SYBU: variants seen among roughly 807,000 people sequenced by gnomAD.
SYBU encodes the protein syntabulin.
SYBU carries 21 observed loss-of-function variants against 35.9 expected under a neutral mutation model. That is an observed-to-expected ratio of 0.58 (90% CI 0.41 to 0.84). SYBU has a LOEUF of 0.84. Among genes scored for constraint, SYBU ranks in the 40% least tolerant of loss-of-function variants. The pLI, the probability that SYBU is intolerant of heterozygous loss-of-function variation, is 0.00. For missense variants in SYBU, 768 were observed against 848.2 expected, an observed-to-expected ratio of 0.91 and a Z score of 1.17; for synonymous variants, 319 against 324.3, an observed-to-expected ratio of 0.98 and a Z score of 0.18.
At chr8:109,671,873 A>T (rs1224473726) in intron 1 of SYBU, among the ~76,000 whole-genome samples, 1 of 152,122 alleles carries the variant, frequency 6.6e-6, no homozygotes, top group Non-Finnish European at 1.5e-5. Context: ...ACCTTTTTGA[A>T]AAACTCATTT....
At chr8:109,607,853 CAG>C in intron 3 of SYBU, 5 of 923,946 alleles carry the variant, frequency 5.4e-6, no homozygotes, top group East Asian at 2.6e-5. Context: ...CACACACACA[CAG>C]TCTAGCCTCT....
chr8:109,639,281 A>T (rs1217048156), intron 2 of SYBU, among the ~76,000 whole-genome samples: 1 of 151,542 alleles, frequency 6.6e-6, no homozygotes, highest in East Asian at 1.9e-4. Context: ...AAAATAAAGT[A>T]TAATTCTTTG....
intron 5 of SYBU, 139 bp from the exon 6 acceptor site, chr8:109,578,156 G>A (rs1822575281): frequency 1.1e-6 from 1 of 929,448 alleles, no homozygotes; most frequent in Non-Finnish European, 1.6e-6. Context: ...CAATATGACG[G>A]TATTAGGTGG....
intron 4 of SYBU, chr8:109,580,534 A>T (rs1822905938): frequency 6.5e-6 from 1 of 153,464 alleles, no homozygotes; most frequent in Admixed American, 6.4e-5. Context: ...GGTAATTTTG[A>T]TTACTTAAAA....
intron 1 of SYBU, among the ~76,000 whole-genome samples, chr8:109,660,676 AT>A: frequency 6.6e-6 from 1 of 152,154 alleles, no homozygotes; most frequent in Non-Finnish European, 1.5e-5. Flanking sequence ...AATTAATACT[AT>A]TTTCTACTCA....
Position 109,644,809 on chromosome 8 carries a change from C to G in SYBU, c.-150G>C. 2 of 733,576 alleles carry G rather than the reference C, an allele frequency of 2.7e-6. No individual in the cohort carries two copies. The highest frequency in any genetic ancestry group is 3.9e-6 in the Non-Finnish European group (2 of 511,290). 45.4% of individuals were successfully genotyped at this position (733,576 alleles called of 1,614,324 possible). A position where few individuals can be genotyped will look rare whatever the true frequency, so the allele number is the denominator to read the frequency against. On this transcript the variant is annotated 5_prime_UTR_variant, in exon 1 of 7. Transcript: ENST00000276646. ...CTCCAACGCGCCGCCGCCGCCACTG[C>G]CGCCGATTGCTCTGGGCTCCGAGGG... is the stretch of plus-strand genomic sequence containing the variant.
intron 1 of SYBU, among the ~76,000 whole-genome samples, chr8:109,688,034 G>C (rs898396818): frequency 3.9e-5 from 6 of 152,168 alleles, no homozygotes; most frequent in African/African-American, 1.4e-4. Context: ...TCAGGTCCTG[G>C]AGCACCTCCC....
At chr8:109,669,328 T>G (rs1426905818) in intron 1 of SYBU, among the ~76,000 whole-genome samples, 2 of 107,164 alleles carry the variant, frequency 1.9e-5, no homozygotes, top group Admixed American at 1.5e-4. Flanking sequence ...GGCGACAGAG[T>G]GAGACTCCGT....
chr8:109,579,736 T>C, intron 5 of SYBU, 63 bp downstream of exon 5: 1 of 1,475,138 alleles, frequency 6.8e-7, no homozygotes, highest in Non-Finnish European at 9.4e-7. Flanking sequence ...TTTTTTCTTT[T>C]TTAAAGAAAA....
chr8:109,673,685 G>C (rs1817074814), intron 1 of SYBU, among the ~76,000 whole-genome samples: 1 of 152,164 alleles, frequency 6.6e-6, no homozygotes, highest in Non-Finnish European at 1.5e-5. Flanking sequence ...GAATATATTT[G>C]ACGAATTGAC....
Position 109,575,162 on chromosome 8 carries a change from A to C in SYBU, c.1736T>G (p.Phe579Cys). 1 of 1,614,186 alleles carries C rather than the reference A, an allele frequency of 6.2e-7. No individual in the cohort carries two copies. The highest frequency in any genetic ancestry group is 1.1e-5 in the South Asian group (1 of 91,086). Residue 579 changes from phenylalanine to cysteine, a missense_variant, in exon 7 of 7, where the codon TTT becomes TGT. Physicochemically the swap from Phe to Cys is radical, Grantham distance 205. Coordinates refer to ENST00000276646, the MANE Select transcript of SYBU (RefSeq NM_001099754.2). ...HANRLMRELDFAACVEERLDG... is the reference protein window; with the variant it reads ...HANRLMRELDCAACVEERLDG... Reference sequence around the variant, plus strand: ...CAACCTCTCTTCCACGCAGGCTGCAAAATCCAGCTCTCTCATGAGGCGGTT... The same window carrying C: ...CAACCTCTCTTCCACGCAGGCTGCACAATCCAGCTCTCTCATGAGGCGGTT...
intron 2 of SYBU, among the ~76,000 whole-genome samples, chr8:109,637,904 C>A (rs558490978): frequency 2.5e-4 from 38 of 152,288 alleles, no homozygotes; most frequent in Non-Finnish European, 5.1e-4. Flanking sequence ...TTCTTCCCAG[C>A]TACTGTAAAT....
intron 2 of SYBU, among the ~76,000 whole-genome samples, chr8:109,626,788 T>C (rs1436836115): frequency 6.6e-6 from 1 of 152,174 alleles, no homozygotes; most frequent in East Asian, 1.9e-4. Flanking sequence ...TGCATACCTG[T>C]AGTCCCAGCG....
intron 2 of SYBU, among the ~76,000 whole-genome samples, chr8:109,628,342 CTTT>C (rs111654259): frequency 2.8e-5 from 4 of 141,770 alleles, no homozygotes; most frequent in Non-Finnish European, 1.5e-5. Flanking sequence ...AACCACATCT[CTTT>C]TTTTTTTTTT....
chr8:109,676,191 G>A (rs1817183668), intron 1 of SYBU, among the ~76,000 whole-genome samples: 1 of 152,022 alleles, frequency 6.6e-6, no homozygotes, highest in Non-Finnish European at 1.5e-5. Context: ...TACTGAATGG[G>A]GAAAAGCTGG....
At chr8:109,612,037 T>C (rs1811226109) in intron 3 of SYBU, among the ~76,000 whole-genome samples, 1 of 152,190 alleles carries the variant, frequency 6.6e-6, no homozygotes, top group African/African-American at 2.4e-5. Flanking sequence ...AATTACTCCT[T>C]TGAAGGTGGA....
At chr8:109,672,628 C>G (rs1477621182) in intron 1 of SYBU, among the ~76,000 whole-genome samples, 1 of 152,214 alleles carries the variant, frequency 6.6e-6, no homozygotes, top group Non-Finnish European at 1.5e-5. Flanking sequence ...AGCGAGCTAG[C>G]TGAAGGAGTC....
intron 1 of SYBU, among the ~76,000 whole-genome samples, chr8:109,653,033 TC>T (rs1241176529): frequency 1.3e-5 from 2 of 152,174 alleles, no homozygotes; most frequent in African/African-American, 4.8e-5. Context: ...TTTCTTGGTC[TC>T]CTTTCTTCTC....
chr8:109,676,948 G>A (rs1817212162), intron 1 of SYBU, among the ~76,000 whole-genome samples: 1 of 152,078 alleles, frequency 6.6e-6, no homozygotes. Flanking sequence ...TGGAATATAT[G>A]TTGTGGAAAA....
Sources: gnomAD v4.1 joint callset for allele counts (sites outside exome capture counted in the v4.1 genomes callset) on GRCh38, gnomAD v4.1.1 for gene constraint, MANE v1.5 for transcripts, NCBI Gene and HGNC (gene_info 2026-07-23, HGNC 2026-07-21) for gene names.